The following ZSWIM5 variants were observed in gnomAD, a reference collection of about 807,000 sequenced individuals.
The protein encoded by ZSWIM5 is zinc finger SWIM-type containing 5.
ZSWIM5 carries 55 observed loss-of-function variants against 119.6 expected under a neutral mutation model. That is an observed-to-expected ratio of 0.46 (90% confidence interval 0.37 to 0.58). The LOEUF (loss-of-function observed/expected upper bound fraction) is 0.58. Ranked by LOEUF, ZSWIM5 falls within the 20% of genes least tolerant of loss-of-function variation. The pLI is 0.00. For synonymous variants in ZSWIM5, 537 were observed against 606.9 expected, an observed-to-expected ratio of 0.88 and a Z score of 1.69; for missense variants, 1,193 against 1,512.8, an observed-to-expected ratio of 0.79 and a Z score of 3.51.
chr1:45,046,634 A>ACG lies in ZSWIM5; in HGVS notation c.1433-3240_1433-3239insCG, dbSNP rs140153010. On this transcript the variant is annotated intron_variant, in intron 5 of 13. Coordinates refer to ENST00000359600, the MANE Select transcript of ZSWIM5 (RefSeq NM_020883.2). ...TTGAGAGGAAAGGTCTGGGCAAGATATGTGTGTGTGTGTGTGTGTGTGTGT... is the reference window on the plus strand; with the variant it reads ...TTGAGAGGAAAGGTCTGGGCAAGATACGTGTGTGTGTGTGTGTGTGTGTGTGT... Among the ~76,000 whole-genome samples the ACG allele has an allele frequency of 4.1e-5, 6 of 147,518 alleles. No homozygotes were observed. The East Asian group carries it at 1.2e-3, about 30-fold the overall frequency.
chr1:45,060,748 C>G (rs1345871846), intron 2 of ZSWIM5, among the ~76,000 whole-genome samples: 1 of 152,200 alleles, frequency 6.6e-6, no homozygotes, highest in Non-Finnish European at 1.5e-5. Flanking sequence ...GATCATGGTT[C>G]ATGGCAGCCT....
intron 4 of ZSWIM5, among the ~76,000 whole-genome samples, chr1:45,052,758 A>G (rs201197433): frequency 1.3e-3 from 5 of 3,892 alleles, no homozygotes; most frequent in African/African-American, 1.7e-3. Flanking sequence ...GGGTGATGGG[A>G]AAAAAAAAAA....
At chr1:45,050,432 TA>T (rs1420890331) in intron 5 of ZSWIM5, among the ~76,000 whole-genome samples, 1 of 152,150 alleles carries the variant, frequency 6.6e-6, no homozygotes, top group African/African-American at 2.4e-5. Context: ...AGGCTCTCAA[TA>T]GGCTAAAGAA....
At chr1:45,020,816 T>C in intron 11 of ZSWIM5, 28 bp from the exon 12 acceptor site, 7 of 1,606,722 alleles carry the variant, frequency 4.4e-6, no homozygotes, top group Non-Finnish European at 5.9e-6. Flanking sequence ...AGGGGCAGGG[T>C]CTATTTTAAA....
In ZSWIM5 at chr1:45,017,027, T is replaced by C. The variant is rs1204754891; in HGVS notation, c.*1427A>G. 1.3e-5 allele frequency: 2 copies of C among 152,220 alleles called. No homozygotes were observed. The highest frequency in any genetic ancestry group is 4.8e-5 in the African/African-American group (2 of 41,386). The allele number at this position is 152,220 out of a possible 1,614,324, so 9.4% of individuals were successfully genotyped here. A position where few individuals can be genotyped will look rare whatever the true frequency, so the allele number is the denominator to read the frequency against. ...TAGAAAGGCAGGGGAAGAAAGCAAG[T>C]ATGAGGCGAGAAGAGAACTATGGAG... is the stretch of plus-strand genomic sequence containing the variant. On this transcript the variant is annotated 3_prime_UTR_variant, in exon 14 of 14. Coordinates refer to ENST00000359600, the MANE Select transcript of ZSWIM5 (RefSeq NM_020883.2).
intron 1 of ZSWIM5, among the ~76,000 whole-genome samples, chr1:45,169,343 G>C (rs1016688428): frequency 1.3e-5 from 2 of 151,966 alleles, no homozygotes; most frequent in African/African-American, 4.8e-5. Context: ...TTGGCATATA[G>C]TAAGTTCTCA....
At chr1:45,165,581 A>C (rs1645896443) in intron 1 of ZSWIM5, among the ~76,000 whole-genome samples, 1 of 152,108 alleles carries the variant, frequency 6.6e-6, no homozygotes, top group South Asian at 2.1e-4. Context: ...AAGACTAATA[A>C]AGAAGCAAAG....
At chr1:45,145,319 C>T (rs1375397094) in intron 1 of ZSWIM5, among the ~76,000 whole-genome samples, 2 of 150,500 alleles carry the variant, frequency 1.3e-5, no homozygotes, top group African/African-American at 2.4e-5. Flanking sequence ...GGGATTTCTC[C>T]CTAGAGAAAT....
At chr1:45,164,295 TG>T (rs1309745683) in intron 1 of ZSWIM5, among the ~76,000 whole-genome samples, 1 of 152,162 alleles carries the variant, frequency 6.6e-6, no homozygotes, top group Non-Finnish European at 1.5e-5. Context: ...CCACCAGGCC[TG>T]CCCTACAAGA....
chr1:45,036,991 G>A (rs548412447), intron 8 of ZSWIM5, among the ~76,000 whole-genome samples: 1 of 151,334 alleles, frequency 6.6e-6, no homozygotes, highest in East Asian at 2.0e-4. Context: ...TGTAGAGATA[G>A]GGTCTCATTA....
In ZSWIM5 at chr1:45,110,237, G is replaced by A. The variant is rs148417473; in HGVS notation, c.596-22000C>T. On this transcript the variant is annotated intron_variant, in intron 1 of 13. Transcript: ENST00000359600. ...CTGAGCTGAAGCTCAATTTACCCTG[G>A]TCTGTTCTCAGAATTAAAGCAGACT... is the stretch of plus-strand genomic sequence containing the variant. 6.9e-3 allele frequency among the ~76,000 whole-genome samples: 1,046 copies of A among 152,182 alleles called. 6 individuals are homozygous for A. The highest frequency in any genetic ancestry group is 0.011 in the Admixed American group (170 of 15,274).
chr1:45,156,307 G>A (rs1429820299), intron 1 of ZSWIM5, among the ~76,000 whole-genome samples: 1 of 151,380 alleles, frequency 6.6e-6, no homozygotes, highest in Non-Finnish European at 1.5e-5. Context: ...GGAGGGAGGG[G>A]GCAAAGACTG....
At chr1:45,026,827 A>G (rs1644923379) in intron 11 of ZSWIM5, among the ~76,000 whole-genome samples, 1 of 152,220 alleles carries the variant, frequency 6.6e-6, no homozygotes, top group Non-Finnish European at 1.5e-5. Flanking sequence ...AGAACTCACC[A>G]GTGAAATAAT....
chr1:45,103,697 T>G (rs1570100382), intron 1 of ZSWIM5, among the ~76,000 whole-genome samples: 1 of 152,210 alleles, frequency 6.6e-6, no homozygotes, highest in South Asian at 2.1e-4. Context: ...GATGCTCTCA[T>G]AGTTGGAATG....
chr1:45,020,702 C>T lies in ZSWIM5; in HGVS notation c.2536G>A (p.Ala846Thr). 1 of 1,614,174 alleles carries T rather than the reference C, an allele frequency of 6.2e-7. No individual in the cohort carries two copies. Among genetic ancestry groups the T allele is most frequent in the Non-Finnish European group, 8.5e-7 (1 of 1,180,032 alleles). ...SSLIFKLAQD[A>T]FKIATPTDSS... ...TCGGTGGGAGTAGCAATCTTGAATG[C>T]ATCTTGGGCCAGTTTGAAGATGAGG... Residue 846 changes from alanine (A) to threonine (T), a missense_variant, in exon 12 of 14, where the codon GCA becomes ACA. Physicochemically the swap from Ala to Thr is moderately conservative, Grantham distance 58 (BLOSUM62 0). Around this residue, in one of 2 missense-constraint regions of ZSWIM5, gnomAD observed 961 missense variants for 1,290.0 expected, o/e 0.74. Coordinates refer to ENST00000359600, the MANE Select transcript of ZSWIM5 (RefSeq NM_020883.2).
intron 1 of ZSWIM5, among the ~76,000 whole-genome samples, chr1:45,122,517 A>T (rs972543525): frequency 2.6e-5 from 4 of 152,166 alleles, no homozygotes; most frequent in African/African-American, 9.7e-5. Context: ...CAAAACAAAC[A>T]TAAAAAGACT....
In ZSWIM5 at chr1:45,040,385, A is replaced by G; in HGVS notation, c.1756+7T>C. 1 of 1,605,452 alleles carries G rather than the reference A, an allele frequency of 6.2e-7. No individual in the cohort carries two copies. Among genetic ancestry groups the G allele is most frequent in the Non-Finnish European group, 8.5e-7 (1 of 1,176,232 alleles). On this transcript the variant is annotated splice_region_variant and intron_variant, in intron 7 of 13. Transcript: ENST00000359600. Reference sequence around the variant, plus strand: ...TAAGGGGGTTAGATGGCTCCTAATTACTATACCTTTCTTCTGATGCTTGTA... The same window carrying G: ...TAAGGGGGTTAGATGGCTCCTAATTGCTATACCTTTCTTCTGATGCTTGTA...
intron 1 of ZSWIM5, among the ~76,000 whole-genome samples, chr1:45,168,992 C>T (rs1236147695): frequency 6.6e-6 from 1 of 152,064 alleles, no homozygotes; most frequent in Non-Finnish European, 1.5e-5. Flanking sequence ...ATCTGCTTTA[C>T]AAAGTAATAC....
At chr1:45,022,251 C>T (rs184779684) in intron 11 of ZSWIM5, among the ~76,000 whole-genome samples, 1 of 151,456 alleles carries the variant, frequency 6.6e-6, no homozygotes, top group Admixed American at 6.6e-5. Context: ...CTGCCTCAGC[C>T]TCCCGCGTAG....
Sources: allele counts gnomAD v4.1 joint callset (sites outside exome capture counted in the v4.1 genomes callset), GRCh38; gene constraint gnomAD v4.1.1; regional missense constraint gnomAD v4.1.1; transcripts MANE v1.5; gene names NCBI Gene and HGNC (gene_info 2026-07-23, HGNC 2026-07-21).